Variants in CHL1 observed in about 807,000 individuals in gnomAD.
CHL1 encodes neural cell adhesion molecule L1-like protein.
CHL1 carries 96 observed loss-of-function variants against 141.9 expected under a neutral mutation model. The observed-to-expected ratio is 0.68, with a 90% CI of 0.57 to 0.80. The LOEUF (loss-of-function observed/expected upper bound fraction) is 0.80, where lower values mean the gene tolerates loss of function less well. Ranked by LOEUF, CHL1 falls within the 30% of genes least tolerant of loss-of-function variation. The pLI, the probability that CHL1 is intolerant of heterozygous loss-of-function variation, is 0.00. For missense variants in CHL1, 1,820 were observed against 1,457.2 expected, an observed-to-expected ratio of 1.25 and a Z score of -4.05; for synonymous variants, 613 against 502.2, an observed-to-expected ratio of 1.22 and a Z score of -2.95.
chr3:337,364 T>A lies in CHL1; in HGVS notation c.386-3430T>A, dbSNP rs562028080. Among the ~76,000 whole-genome samples, 512 of 100,848 alleles carry A rather than the reference T, an allele frequency of 5.1e-3. 2 individuals carry two copies. The highest frequency in any genetic ancestry group is 8.4e-3 in the Non-Finnish European group (417 of 49,892). The allele number at this position is 100,848 out of a possible 152,430, so 66.2% of individuals were successfully genotyped here. A position where few individuals can be genotyped will look rare whatever the true frequency, so the allele number is the denominator to read the frequency against. ...CGCCACCACGCCCGGCTAATTTTTT[T>A]ATATATATTTTTTAAATTATACTTT... is the stretch of plus-strand genomic sequence containing the variant. On this transcript the variant is annotated intron_variant, in intron 5 of 27. Coordinates refer to ENST00000256509, the MANE Select transcript of CHL1 (RefSeq NM_006614.4).
chr3:326,108 T>C (rs1452345524), intron 4 of CHL1, 44 bp downstream of exon 4: 3 of 1,151,554 alleles, frequency 2.6e-6, no homozygotes, highest in South Asian at 1.3e-5. Context: ...ATGCGTGCTG[T>C]TCTTTATGCT....
intron 2 of CHL1, among the ~76,000 whole-genome samples, chr3:293,338 C>T (rs913241358): frequency 6.6e-6 from 1 of 151,940 alleles, no homozygotes; most frequent in African/African-American, 2.4e-5. Context: ...CTTGTCTCTA[C>T]TAAAAATACA....
intron 1 of CHL1, among the ~76,000 whole-genome samples, chr3:224,119 C>A (rs1163258079): frequency 6.6e-6 from 1 of 152,076 alleles, no homozygotes. Context: ...AGTTCAGGCC[C>A]CTCCCATAAT....
chr3:326,220 T>A (rs1277911834), intron 4 of CHL1, among the ~76,000 whole-genome samples, 156 bp downstream of exon 4: 3 of 151,866 alleles, frequency 2.0e-5, no homozygotes, highest in Admixed American at 2.0e-4. Flanking sequence ...AAAAAAAAAA[T>A]TTGGTTATTT....
At chr3:383,928 C>G in intron 19 of CHL1, 42 bp downstream of exon 19, 5 of 1,387,748 alleles carry the variant, frequency 3.6e-6, no homozygotes, top group Non-Finnish European at 4.1e-6. Flanking sequence ...TTGTGCTTTT[C>G]TCTTCCTCTT....
At chr3:282,943 T>C (rs1696796356) in intron 2 of CHL1, among the ~76,000 whole-genome samples, 1 of 152,206 alleles carries the variant, frequency 6.6e-6, no homozygotes, top group Admixed American at 6.5e-5. Flanking sequence ...CAAAATACTT[T>C]GATTTTGTGT....
intron 1 of CHL1, among the ~76,000 whole-genome samples, chr3:240,033 C>T (rs1692402074): frequency 1.3e-5 from 2 of 152,074 alleles, no homozygotes; most frequent in Non-Finnish European, 1.5e-5. Flanking sequence ...TTTGCGATTG[C>T]GAATTGTGCT....
At chr3:393,314 A>G (rs577977184) in intron 23 of CHL1, among the ~76,000 whole-genome samples, 1 of 151,918 alleles carries the variant, frequency 6.6e-6, no homozygotes, top group Non-Finnish European at 1.5e-5. Context: ...ATATTAGTCG[A>G]TGAACTGGTT....
chr3:384,814 A>AT (rs1458361462), intron 19 of CHL1: 3 of 152,128 alleles, frequency 2.0e-5, no homozygotes, highest in Non-Finnish European at 2.9e-5. Context: ...TCCAGGTATA[A>AT]TTTTTGGGAG....
At chr3:374,856 C>T (rs752872569) in intron 15 of CHL1, among the ~76,000 whole-genome samples, 4 of 152,160 alleles carry the variant, frequency 2.6e-5, no homozygotes, top group Non-Finnish European at 4.4e-5. Context: ...GAGACACCTT[C>T]TCCTTATTAC....
intron 2 of CHL1, among the ~76,000 whole-genome samples, chr3:256,245 G>A (rs408685): frequency 0.38 from 58,244 of 152,046 alleles, 11,369 homozygotes; most frequent in South Asian, 0.61. Flanking sequence ...TAGGTAGTCT[G>A]TATTCTGGCA....
chr3:299,614 T>C (rs1359506908), intron 2 of CHL1, among the ~76,000 whole-genome samples: 7 of 152,168 alleles, frequency 4.6e-5, no homozygotes, highest in Admixed American at 4.6e-4. Flanking sequence ...ATTTTATAAA[T>C]AAGAATTTAG....
At chr3:318,083 C>CT (rs1395180302) in intron 2 of CHL1, among the ~76,000 whole-genome samples, 2 of 151,778 alleles carry the variant, frequency 1.3e-5, no homozygotes, top group East Asian at 3.9e-4. Flanking sequence ...AGATTCACAA[C>CT]TTTTTTGGAG....
chr3:366,107 A>T lies in CHL1; in HGVS notation c.1743A>T (p.Glu581Asp), dbSNP rs528019956. The T allele has an allele frequency of 1.1e-5, 17 of 1,613,492 alleles. No individual in the cohort carries two copies. In the Admixed American group the frequency reaches 1.3e-4, roughly 13 times the overall value. The stretch of plus-strand genomic sequence containing the variant: ...AAGCCTTTGAAATTAATGGCACAGA[A>T]GATGGCAGGTAGGTAAACTATTATG... ...DGEAFEINGT[E>D]DGRIIIDGAN... The change falls in exon 15 of 28, where the codon GAA (glutamate) becomes GAT (aspartate). Residue 581 changes from glutamate to aspartate, a missense_variant. Physicochemically the swap from Glu to Asp is conservative, Grantham distance 45 (BLOSUM62 2). Coordinates refer to ENST00000256509, the MANE Select transcript of CHL1 (RefSeq NM_006614.4).
At chr3:322,313 G>A (rs1467717699) in intron 3 of CHL1, among the ~76,000 whole-genome samples, 9 of 150,716 alleles carry the variant, frequency 6.0e-5, no homozygotes, top group African/African-American at 2.2e-4. Flanking sequence ...TAAAAAAATA[G>A]AATTAATAGA....
intron 2 of CHL1, among the ~76,000 whole-genome samples, chr3:299,219 A>T (rs167975): frequency 0.21 from 32,473 of 152,136 alleles, 4,949 homozygotes; most frequent in African/African-American, 0.41. Context: ...TCTACTTGTT[A>T]AGTATGAGAG....
rs757487714 is a variant in CHL1, at chr3:326,000, G to A, written c.133G>A (p.Val45Ile). ...AATCATAAAACAGTCAAAAGTCCAA[G>A]TTGCCTTTCCCTTCGATGAGTATTT... ...PTIIKQSKVQ[V>I]AFPFDEYFQI... Residue 45 changes from valine to isoleucine, a missense_variant, in exon 4 of 28, where the codon GTT becomes ATT. By Grantham distance (29) the Val-to-Ile change is conservative. Coordinates refer to ENST00000256509, the MANE Select transcript of CHL1 (RefSeq NM_006614.4). 1 of 1,611,874 alleles carries A rather than the reference G, an allele frequency of 6.2e-7. No homozygotes were observed. Among genetic ancestry groups the A allele is most frequent in the East Asian group, 2.2e-5 (1 of 44,734 alleles).
chr3:223,938 G>C (rs545665953), intron 1 of CHL1, among the ~76,000 whole-genome samples: 1 of 152,318 alleles, frequency 6.6e-6, no homozygotes, highest in African/African-American at 2.4e-5. Context: ...CACAGATCCT[G>C]GTGGAGTCAG....
intron 20 of CHL1, 80 bp downstream of exon 20, chr3:389,554 T>C: frequency 9.3e-7 from 1 of 1,070,854 alleles, no homozygotes; most frequent in Non-Finnish European, 1.4e-6. Context: ...AACAAATATT[T>C]GTGAACAACT....
Sources: gnomAD v4.1 joint callset for allele counts (sites outside exome capture counted in the v4.1 genomes callset) on GRCh38, gnomAD v4.1.1 for gene constraint, MANE v1.5 for transcripts, NCBI Gene and HGNC (gene_info 2026-07-23, HGNC 2026-07-21) for gene names.